Variants in MUSK observed in about 807,000 individuals in gnomAD.
MUSK encodes the protein muscle, skeletal receptor tyrosine-protein kinase.
MUSK carries 55 observed loss-of-function variants against 88.7 expected under a neutral mutation model. The ratio of observed to expected loss-of-function variants is 0.62; its 90% confidence interval spans 0.50 to 0.78. The LOEUF (loss-of-function observed/expected upper bound fraction) is 0.78, where lower values mean the gene tolerates loss of function less well. Ranked by LOEUF, MUSK falls within the 30% of genes least tolerant of loss-of-function variation. MUSK has a pLI of 0.00. For missense variants in MUSK, 1,015 were observed against 1,074.3 expected, an observed-to-expected ratio of 0.94 and a Z score of 0.77; for synonymous variants, 387 against 391.9, an observed-to-expected ratio of 0.99 and a Z score of 0.15.
At chr9:110,687,634 C>T (rs1293374654) in intron 3 of MUSK, among the ~76,000 whole-genome samples, 1 of 152,116 alleles carries the variant, frequency 6.6e-6, no homozygotes, top group Non-Finnish European at 1.5e-5. Context: ...TGTGCCCCCG[C>T]TGACTTGGTA....
chr9:110,694,400 A>G (rs10817076), intron 3 of MUSK, among the ~76,000 whole-genome samples: 1 of 130,436 alleles, frequency 7.7e-6, no homozygotes, highest in African/African-American at 3.1e-5. Flanking sequence ...AAAAAAAAAA[A>G]AAAAAACAAA....
At chr9:110,688,681 G>A (rs940844299) in intron 3 of MUSK, among the ~76,000 whole-genome samples, 4 of 151,598 alleles carry the variant, frequency 2.6e-5, no homozygotes, top group South Asian at 2.1e-4. Flanking sequence ...TGTTCCCATC[G>A]TTAGCTCCCA....
At chr9:110,750,806 TA>T (rs2077238258) in intron 7 of MUSK, among the ~76,000 whole-genome samples, 1 of 152,214 alleles carries the variant, frequency 6.6e-6, no homozygotes, top group Non-Finnish European at 1.5e-5. Flanking sequence ...TATAGCATCC[TA>T]AATAAGAAGT....
At chr9:110,797,811 T>C (rs2078033951) in intron 14 of MUSK, among the ~76,000 whole-genome samples, 1 of 152,168 alleles carries the variant, frequency 6.6e-6, no homozygotes, top group Non-Finnish European at 1.5e-5. Context: ...CAAACATACA[T>C]ACATGCATAT....
chr9:110,694,215 C>CAAAAAAAAAAAAA (rs1217917603), intron 3 of MUSK, among the ~76,000 whole-genome samples: 2 of 72,070 alleles, frequency 2.8e-5, no homozygotes, highest in Non-Finnish European at 5.2e-5. Context: ...ACTAAAAATA[C>CAAAAAAAAAAAAA]AAAAAAAAAA....
intron 13 of MUSK, among the ~76,000 whole-genome samples, chr9:110,786,200 A>T (rs1588039686): frequency 6.6e-6 from 1 of 150,794 alleles, no homozygotes; most frequent in South Asian, 2.1e-4. Context: ...AGTCCTAGCT[A>T]CTCGGGAGTC....
Position 110,800,860 on chromosome 9 carries a change from C to A in MUSK, c.2482C>A (p.Pro828Thr). 1.2e-6 allele frequency: 2 copies of A among 1,602,396 alleles called. No individual in the cohort carries two copies. The highest frequency in any genetic ancestry group is 1.7e-6 in the Non-Finnish European group (2 of 1,173,016). The change falls in exon 15 of 15, where the codon CCC becomes ACC. Residue 828 changes from proline (P) to threonine (T), a missense_variant. Transcript: ENST00000374448. ...GNILSCPENC[P>T]VELYNLMRLC... ...CATCCTCTCCTGCCCTGAGAACTGC[C>A]CCGTGGAGCTGTACAATCTCATGCG...
chr9:110,692,879 G>T (rs755246510), intron 3 of MUSK, among the ~76,000 whole-genome samples: 1 of 151,180 alleles, frequency 6.6e-6, no homozygotes. Flanking sequence ...TTTTGTTTGG[G>T]TTCCATCCTT....
chr9:110,688,060 C>G (rs945003845), intron 3 of MUSK, among the ~76,000 whole-genome samples: 1 of 152,122 alleles, frequency 6.6e-6, no homozygotes, highest in African/African-American at 2.4e-5. Flanking sequence ...AGGTAATCTC[C>G]CAGCCCTCAG....
intron 1 of MUSK, among the ~76,000 whole-genome samples, chr9:110,677,190 C>T (rs1270396795): frequency 6.6e-6 from 1 of 152,182 alleles, no homozygotes; most frequent in African/African-American, 2.4e-5. Context: ...ACTCTTGTCA[C>T]CATACTCACC....
chr9:110,676,868 A>G (rs1000410839), intron 1 of MUSK, among the ~76,000 whole-genome samples: 1 of 152,112 alleles, frequency 6.6e-6, no homozygotes, highest in African/African-American at 2.4e-5. Context: ...ATAGGTGTGC[A>G]TGTATCTTTA....
intron 5 of MUSK, among the ~76,000 whole-genome samples, chr9:110,725,263 T>A (rs2131815636): frequency 6.6e-6 from 1 of 151,284 alleles, no homozygotes; most frequent in Middle Eastern, 3.4e-3. Flanking sequence ...GGGAAAAGAG[T>A]GGAAGGGGGA....
intron 5 of MUSK, among the ~76,000 whole-genome samples, chr9:110,705,886 A>G (rs1308244943): frequency 2.6e-5 from 4 of 152,198 alleles, no homozygotes; most frequent in Non-Finnish European, 5.9e-5. Context: ...TGACCAGGGA[A>G]CATCTTATTG....
chr9:110,729,151 G>T (rs1358955281), intron 5 of MUSK, among the ~76,000 whole-genome samples: 5 of 151,254 alleles, frequency 3.3e-5, no homozygotes, highest in Admixed American at 3.3e-4. Flanking sequence ...ATTTCAACAA[G>T]ATCAGGAGTA....
chr9:110,712,317 T>C (rs191863679), intron 5 of MUSK, among the ~76,000 whole-genome samples: 1 of 152,296 alleles, frequency 6.6e-6, no homozygotes, highest in African/African-American at 2.4e-5. Flanking sequence ...ATTTGAAGCT[T>C]AGTCATAGTA....
At chr9:110,758,599 G>C (rs1291731101) in intron 7 of MUSK, among the ~76,000 whole-genome samples, 1 of 152,142 alleles carries the variant, frequency 6.6e-6, no homozygotes, top group East Asian at 1.9e-4. Context: ...GAAGTAAAAG[G>C]CATCCAAATA....
chr9:110,755,934 A>ATATATGTATATATATACG (rs2077306421), intron 7 of MUSK, among the ~76,000 whole-genome samples: 1 of 73,534 alleles, frequency 1.4e-5, no homozygotes, highest in African/African-American at 5.7e-5. Context: ...ATATATATAC[A>ATATATGTATATATATACG]TATATATATA....
At chr9:110,740,024 A>G (rs1042935454) in intron 6 of MUSK, among the ~76,000 whole-genome samples, 1 of 152,120 alleles carries the variant, frequency 6.6e-6, no homozygotes, top group Non-Finnish European at 1.5e-5. Flanking sequence ...TATCCACATC[A>G]TCCCAAATTG....
At chr9:110,775,175 A>G (rs1465589874) in intron 9 of MUSK, among the ~76,000 whole-genome samples, 1 of 152,196 alleles carries the variant, frequency 6.6e-6, no homozygotes. Context: ...ATTCAAACAG[A>G]TAATACTTTG....
Sources: allele counts gnomAD v4.1 joint callset (sites outside exome capture counted in the v4.1 genomes callset), GRCh38; gene constraint gnomAD v4.1.1; transcripts MANE v1.5; gene names NCBI Gene and HGNC (gene_info 2026-07-23, HGNC 2026-07-21).